The following DAB1 variants were observed in gnomAD, a reference collection of about 807,000 sequenced individuals.
The protein encoded by DAB1 is disabled homolog 1.
A neutral mutation model predicts 64.6 loss-of-function variants in DAB1; 15 were observed. The ratio of observed to expected loss-of-function variants is 0.23; its 90% CI spans 0.16 to 0.36. DAB1 has a LOEUF of 0.36. DAB1 is among the 10% of genes least tolerant of loss of function. The pLI is 1.00. For synonymous variants in DAB1, 235 were observed against 251.9 expected (o/e 0.93, Z 0.64); for missense variants, 596 against 706.7 (o/e 0.84, Z 1.78).
At chr1:57,068,051 C>T (rs1320923435) in intron 8 of DAB1, among the ~76,000 whole-genome samples, 2 of 152,202 alleles carry the variant, frequency 1.3e-5, no homozygotes, top group African/African-American at 4.8e-5. Context: ...GTCTCCCTCC[C>T]CACCCCGCCC....
intron 1 of DAB1, among the ~76,000 whole-genome samples, chr1:57,831,444 A>G (rs951607136): frequency 2.6e-5 from 4 of 152,022 alleles, no homozygotes; most frequent in African/African-American, 9.7e-5. Flanking sequence ...TACTGAAAGC[A>G]TGGCTAGTCT....
intron 4 of DAB1, among the ~76,000 whole-genome samples, chr1:58,342,442 GT>G (rs1412658455): frequency 6.6e-6 from 1 of 152,192 alleles, no homozygotes; most frequent in Non-Finnish European, 1.5e-5. Flanking sequence ...TAATGAGAAT[GT>G]GGATAAATCA....
intron 4 of DAB1, among the ~76,000 whole-genome samples, chr1:57,103,592 C>T (rs1488485843): frequency 1.3e-5 from 2 of 151,762 alleles, no homozygotes; most frequent in African/African-American, 4.8e-5. Context: ...TTTTGAGAAG[C>T]CCAGGCATGC....
At chr1:57,633,676 T>TA (rs1281749719) in intron 7 of DAB1, among the ~76,000 whole-genome samples, 19 of 152,280 alleles carry the variant, frequency 1.2e-4, no homozygotes, top group African/African-American at 4.6e-4. Flanking sequence ...CCCACAATTC[T>TA]AATAATATGT....
intron 6 of DAB1, among the ~76,000 whole-genome samples, chr1:57,752,891 C>A (rs181227075): frequency 6.6e-6 from 1 of 152,312 alleles, no homozygotes; most frequent in Admixed American, 6.5e-5. Context: ...ATCTTCCTTC[C>A]TTCCAAACAA....
rs1221050433 is a variant in DAB1 at position 57,366,382 on chromosome 1, C to T, written c.-137+57548G>A. On this transcript the variant is annotated intron_variant, in intron 1 of 14. Coordinates refer to ENST00000371236, the MANE Select transcript of DAB1 (RefSeq NM_001365792.1). The stretch of plus-strand genomic sequence containing the variant: ...AGTAAAAGAAAGTAATAGCTAGATG[C>T]ATTTTTCATTTTCCACATAACAATT... Among the ~76,000 whole-genome samples, 6 of 152,182 alleles carry T rather than the reference C, an allele frequency of 3.9e-5. No individual in the cohort carries two copies. The South Asian group carries it at 8.3e-4, about 21-fold the overall frequency.
Position 57,939,838 on chromosome 1 carries a change from A to T in DAB1, n.388-55676T>A, listed in dbSNP as rs115820486. Among the ~76,000 whole-genome samples, 808 of 152,306 alleles carry T rather than the reference A, an allele frequency of 5.3e-3. 6 individuals carry two copies. The highest frequency in any genetic ancestry group is 0.018 in the African/African-American group (767 of 41,558). On this transcript the variant is annotated intron_variant and non_coding_transcript_variant, in intron 5 of 20. Transcript: ENST00000485760. ...AGGCCAGCTTTCCCACTGAGGTCTC[A>T]TTAGGGCCAAGCCTGTATTCTTACC... is the stretch of plus-strand genomic sequence containing the variant.
chr1:58,394,964 C>G (rs1395936992), intron 3 of DAB1, among the ~76,000 whole-genome samples: 1 of 150,446 alleles, frequency 6.6e-6, no homozygotes, highest in African/African-American at 2.5e-5. Context: ...AAGATATATA[C>G]AAGGTATAGA....
At chr1:58,518,545 G>A (rs1048441709) in intron 2 of DAB1, among the ~76,000 whole-genome samples, 2 of 151,662 alleles carry the variant, frequency 1.3e-5, no homozygotes, top group Admixed American at 6.6e-5. Context: ...CTGGAGATGG[G>A]AACATACTGA....
At chr1:57,573,716 C>T (rs1645217869) in intron 7 of DAB1, among the ~76,000 whole-genome samples, 1 of 152,194 alleles carries the variant, frequency 6.6e-6, no homozygotes, top group South Asian at 2.1e-4. Flanking sequence ...TTACAGCATC[C>T]AGGAAGCTGG....
intron 6 of DAB1, among the ~76,000 whole-genome samples, chr1:57,777,131 T>G (rs1348405053): frequency 6.7e-6 from 1 of 148,620 alleles, no homozygotes; most frequent in Non-Finnish European, 1.5e-5. Flanking sequence ...TTCCGTTATT[T>G]TCTGAATTTC....
At position 57,926,696 on chromosome 1, in the gene DAB1, A is replaced by T. The variant is rs533563556; in HGVS notation, n.388-42534T>A. Among the ~76,000 whole-genome samples, 45 of 152,362 alleles carry T rather than the reference A, an allele frequency of 3.0e-4. 1 individual carries two copies. Among genetic ancestry groups the T allele is most frequent in the Admixed American group, 7.8e-4 (12 of 15,306 alleles). ...TAGCAAAGCCACATATACAAGTGTC[A>T]GATATGACTATTACAGATGGCCTCT... is the stretch of plus-strand genomic sequence containing the variant. On this transcript the variant is annotated intron_variant and non_coding_transcript_variant, in intron 5 of 20. Coordinates refer to the DAB1 transcript ENST00000485760.
intron 2 of DAB1, among the ~76,000 whole-genome samples, chr1:57,182,341 T>C (rs1285887282): frequency 6.6e-6 from 1 of 152,208 alleles, no homozygotes; most frequent in Admixed American, 6.5e-5. Flanking sequence ...AATAAATCTC[T>C]TGAACATTGA....
chr1:57,289,481 G>C (rs587046), intron 2 of DAB1, among the ~76,000 whole-genome samples: 60,316 of 151,920 alleles, frequency 0.4, 12,427 homozygotes, highest in Admixed American at 0.56. Context: ...AGACCATGAT[G>C]CATAGAAAAC....
chr1:57,236,562 C>T (rs567170392), intron 2 of DAB1, among the ~76,000 whole-genome samples: 18 of 152,214 alleles, frequency 1.2e-4, no homozygotes, highest in African/African-American at 4.3e-4. Flanking sequence ...TTCAGTATAC[C>T]AGTAACATTA....
intron 1 of DAB1, chr1:58,542,336 GT>G (rs1646635564): frequency 6.6e-6 from 1 of 152,152 alleles, no homozygotes; most frequent in South Asian, 2.1e-4. Context: ...AGCTAGTAAG[GT>G]TTTCATTGGC....
intron 4 of DAB1, among the ~76,000 whole-genome samples, chr1:58,225,976 A>AC (rs1659456106): frequency 2.0e-5 from 3 of 150,298 alleles, no homozygotes; most frequent in Admixed American, 6.6e-5. Flanking sequence ...AAAAAAAAAA[A>AC]ACCTGAGGCT....
intron 6 of DAB1, among the ~76,000 whole-genome samples, chr1:57,707,847 A>G (rs1233688573): frequency 6.6e-6 from 1 of 152,202 alleles, no homozygotes; most frequent in Non-Finnish European, 1.5e-5. Flanking sequence ...CTCTGAGCCC[A>G]GGATCTATGT....
intron 3 of DAB1, among the ~76,000 whole-genome samples, chr1:58,398,281 A>G (rs1644539934): frequency 6.6e-6 from 1 of 152,168 alleles, no homozygotes; most frequent in African/African-American, 2.4e-5. Context: ...GTGCACATCA[A>G]GCTGTTTTCA....
Sources: gnomAD v4.1 joint callset for allele counts (sites outside exome capture counted in the v4.1 genomes callset) on GRCh38, gnomAD v4.1.1 for gene constraint, MANE v1.5 for transcripts, NCBI Gene and HGNC (gene_info 2026-07-23, HGNC 2026-07-21) for gene names.